The following FGD5 variants were observed in gnomAD, a reference collection of about 807,000 sequenced individuals.
FGD5 encodes FYVE, RhoGEF and PH domain-containing protein 5.
FGD5 carries 28 observed loss-of-function variants against 133.4 expected under a neutral mutation model. That is an observed-to-expected ratio of 0.21 (90% CI 0.16 to 0.29). FGD5 has a LOEUF of 0.29. Ranked by LOEUF, FGD5 falls within the 10% of genes least tolerant of loss-of-function variation. The pLI, the probability that FGD5 is intolerant of heterozygous loss-of-function variation, is 1.00. For missense variants in FGD5, 1,858 were observed against 1,895.2 expected, an observed-to-expected ratio of 0.98 and a Z score of 0.36; for synonymous variants, 810 against 776.5, an observed-to-expected ratio of 1.04 and a Z score of -0.72.
intron 17 of FGD5, among the ~76,000 whole-genome samples, chr3:14,925,457 G>T (rs998370524): frequency 6.6e-6 from 1 of 152,122 alleles, no homozygotes; most frequent in African/African-American, 2.4e-5. Flanking sequence ...AGACTTAGAA[G>T]AAGTCAGCAA....
At chr3:14,927,898 G>A (rs1352575252) in intron 18 of FGD5, among the ~76,000 whole-genome samples, 2 of 151,324 alleles carry the variant, frequency 1.3e-5, no homozygotes, top group Non-Finnish European at 2.9e-5. Flanking sequence ...CCAAGAAGCT[G>A]GGACCACAAG....
intron 4 of FGD5, among the ~76,000 whole-genome samples, chr3:14,883,616 G>A (rs2037870937): frequency 6.6e-6 from 1 of 152,158 alleles, no homozygotes; most frequent in East Asian, 1.9e-4. Flanking sequence ...ATTCATTCTG[G>A]AAACATCACA....
At chr3:14,883,006 C>A (rs2037855983) in intron 4 of FGD5, among the ~76,000 whole-genome samples, 1 of 152,124 alleles carries the variant, frequency 6.6e-6, no homozygotes, top group African/African-American at 2.4e-5. Context: ...ACGGTGTCCC[C>A]CAAATCTCCC....
chr3:14,897,375 C>T (rs1017738096), intron 4 of FGD5, 134 bp from the exon 5 acceptor site: 2 of 1,020,192 alleles, frequency 2.0e-6, no homozygotes, highest in Non-Finnish European at 2.9e-6. Flanking sequence ...ACTGTTGGGT[C>T]TGGAGACACT....
chr3:14,850,472 G>C (rs1243245381), intron 1 of FGD5, among the ~76,000 whole-genome samples: 2 of 152,192 alleles, frequency 1.3e-5, no homozygotes, highest in Non-Finnish European at 2.9e-5. Flanking sequence ...TGCCATTTCA[G>C]CGTGAGCCAG....
At chr3:14,924,192 G>C (rs1366194252) in intron 17 of FGD5, 54 bp downstream of exon 17, 2 of 1,612,446 alleles carry the variant, frequency 1.2e-6, no homozygotes, top group African/African-American at 1.3e-5. Context: ...AAGGTTCATG[G>C]TCATCCTGGG....
At chr3:14,921,146 T>C (rs552214353) in intron 13 of FGD5, among the ~76,000 whole-genome samples, 1 of 152,326 alleles carries the variant, frequency 6.6e-6, no homozygotes, top group East Asian at 1.9e-4. Flanking sequence ...TCCAGACCCT[T>C]CACACTTGAA....
At position 14,933,422 on chromosome 3, in the gene FGD5, C is replaced by G; in HGVS notation, c.*255C>G. ...CCCCCACCCGCCACCCAGTAATAAA[C>G]TATTTCCTTACCCCGCAGTGAGTTA... On this transcript the variant is annotated 3_prime_UTR_variant, in exon 20 of 20. Transcript: ENST00000285046. 1 of 511,034 alleles carries G rather than the reference C, an allele frequency of 2.0e-6. No individual in the cohort carries two copies. Among genetic ancestry groups the G allele is most frequent in the South Asian group, 2.5e-5 (1 of 39,666 alleles). The allele number at this position is 511,034 out of a possible 1,614,324, so 31.7% of individuals were successfully genotyped here.
chr3:14,875,931 C>T (rs1382590481), intron 2 of FGD5, among the ~76,000 whole-genome samples: 2 of 152,116 alleles, frequency 1.3e-5, no homozygotes, highest in Non-Finnish European at 2.9e-5. Flanking sequence ...GAGCCAGACA[C>T]AGAGGCTTTG....
chr3:14,848,946 G>C (rs932526553), intron 1 of FGD5, among the ~76,000 whole-genome samples: 2 of 152,202 alleles, frequency 1.3e-5, no homozygotes, highest in Non-Finnish European at 2.9e-5. Context: ...CCTGCCCTCA[G>C]GAGCAGCGTG....
chr3:14,909,782 A>T, intron 10 of FGD5, among the ~76,000 whole-genome samples: 1 of 134,586 alleles, frequency 7.4e-6, no homozygotes. Flanking sequence ...TTTTTTGGAG[A>T]CAGAGTCTTG....
At position 14,898,744 on chromosome 3, in the gene FGD5, T is replaced by G. The variant is rs917377968; in HGVS notation, c.3072T>G (p.Ser1024Arg). Reference sequence around the variant, plus strand: ...CTTCCCTGTCTTGAGAGCAGCAGAGTGTACAAGGAGGCAGCCAGACTGCGA... The same window carrying G: ...CTTCCCTGTCTTGAGAGCAGCAGAGGGTACAAGGAGGCAGCCAGACTGCGA... ...LAAAVREFEQ[S>R]VQGGSQTAKH... Residue 1024 changes from serine to arginine, a missense_variant, in exon 7 of 20, where the codon AGT becomes AGG. Physicochemically the swap from Ser to Arg is moderately radical, Grantham distance 110 (BLOSUM62 -1). This residue lies in a region of FGD5 where 1,824 missense variants were observed against 1,848.9 expected (regional missense o/e 0.99). Transcript: ENST00000285046. The G allele has an allele frequency of 1.1e-5, 17 of 1,580,898 alleles. No individual in the cohort carries two copies. Among genetic ancestry groups the G allele is most frequent in the Non-Finnish European group, 1.3e-5 (15 of 1,163,938 alleles).
At position 14,820,359 on chromosome 3, in the gene FGD5, T is replaced by G. The variant is rs1247707757; in HGVS notation, c.1288T>G (p.Tyr430Asp). ...CTTGGATGATGCACTGGCCAACCCC[T>G]ATGTGATGGGAGTGGGCCTGCCCGG... Reference protein sequence around the residue: ...EALDDALANPYVMGVGLPGQA... With the variant: ...EALDDALANPDVMGVGLPGQA... The change falls in exon 1 of 20, where the codon TAT (tyrosine) becomes GAT (aspartate). Residue 430 changes from tyrosine to aspartate, a missense_variant. This residue lies in a region of FGD5 where 1,824 missense variants were observed against 1,848.9 expected (regional missense o/e 0.99). Coordinates refer to ENST00000285046, the MANE Select transcript of FGD5 (RefSeq NM_152536.4). The G allele has an allele frequency of 3.1e-6, 5 of 1,613,424 alleles. No homozygotes were observed. Among genetic ancestry groups the G allele is most frequent in the African/African-American group, 1.3e-5 (1 of 75,004 alleles).
rs945589619 is a variant in FGD5, at chr3:14,891,110, T to C, written c.2749-6399T>C. Among the ~76,000 whole-genome samples, 3 of 152,330 alleles carry C rather than the reference T, an allele frequency of 2.0e-5. No homozygotes were observed. In the East Asian group the frequency reaches 5.8e-4, roughly 29 times the overall value. On this transcript the variant is annotated intron_variant, in intron 4 of 19. Transcript: ENST00000285046. Reference sequence around the variant, plus strand: ...GCCCTCATCAGTATACAGGGCTGTTTTTCTTTCTTTTCCTGGGATGCCAGG... The same window carrying C: ...GCCCTCATCAGTATACAGGGCTGTTCTTCTTTCTTTTCCTGGGATGCCAGG...
At chr3:14,866,406 G>A (rs1264930017) in intron 2 of FGD5, among the ~76,000 whole-genome samples, 1 of 152,064 alleles carries the variant, frequency 6.6e-6, no homozygotes, top group Non-Finnish European at 1.5e-5. Flanking sequence ...GCAATTCTGG[G>A]GCCCTGGACA....
At chr3:14,895,243 C>G (rs2038111353) in intron 4 of FGD5, among the ~76,000 whole-genome samples, 3 of 152,260 alleles carry the variant, frequency 2.0e-5, no homozygotes, top group South Asian at 2.1e-4. Context: ...CTTTGATTGG[C>G]TGTGCTGTTG....
chr3:14,898,877 C>T (rs1200045226), intron 7 of FGD5, 51 bp downstream of exon 7: 3 of 1,507,936 alleles, frequency 2.0e-6, no homozygotes, highest in Non-Finnish European at 2.7e-6. Flanking sequence ...GCAGGGAAGG[C>T]CCCTGAGGAG....
intron 7 of FGD5, 73 bp downstream of exon 7, chr3:14,898,899 A>AC (rs2038187761): frequency 7.4e-7 from 1 of 1,355,150 alleles, no homozygotes; most frequent in Non-Finnish European, 1.0e-6. Flanking sequence ...GGTGGAGGGG[A>AC]CTGTGGTGAC....
intron 11 of FGD5, among the ~76,000 whole-genome samples, chr3:14,915,904 G>T (rs753300779): frequency 6.6e-6 from 1 of 151,700 alleles, no homozygotes; most frequent in Non-Finnish European, 1.5e-5. Flanking sequence ...GTTCATGTTG[G>T]CACCATGTGT....
Sources: allele counts gnomAD v4.1 joint callset (sites outside exome capture counted in the v4.1 genomes callset), GRCh38; gene constraint gnomAD v4.1.1; regional missense constraint gnomAD v4.1.1; transcripts MANE v1.5; gene names NCBI Gene and HGNC (gene_info 2026-07-23, HGNC 2026-07-21).